ERBB4: variants seen among roughly 807,000 people sequenced by gnomAD.
The protein encoded by ERBB4 is erb-b2 receptor tyrosine kinase 4.
In ERBB4, 42 loss-of-function variants were observed where a neutral mutation model predicts 158.0. The ratio of observed to expected loss-of-function variants is 0.27; its 90% CI spans 0.21 to 0.34. The LOEUF (loss-of-function observed/expected upper bound fraction) is 0.34. Among genes scored for constraint, ERBB4 ranks in the 10% least tolerant of loss-of-function variants. The pLI is 1.00. For missense variants in ERBB4, 1,333 were observed against 1,624.1 expected, an observed-to-expected ratio of 0.82 and a Z score of 3.08; for synonymous variants, 583 against 558.7, an observed-to-expected ratio of 1.04 and a Z score of -0.61.
chr2:212,500,210 G>T (rs1156862495), intron 1 of ERBB4, among the ~76,000 whole-genome samples: 2 of 152,022 alleles, frequency 1.3e-5, no homozygotes, highest in Non-Finnish European at 2.9e-5. Flanking sequence ...TTATTCACAT[G>T]GCCTTTCTGT....
intron 25 of ERBB4, among the ~76,000 whole-genome samples, chr2:211,413,517 T>C (rs2063314816): frequency 2.0e-5 from 3 of 152,170 alleles, no homozygotes; most frequent in Middle Eastern, 3.4e-3. Context: ...ATCCTGAGAC[T>C]ACAATCATTT....
At chr2:211,654,960 C>T (rs536733963) in intron 16 of ERBB4, among the ~76,000 whole-genome samples, 2 of 152,108 alleles carry the variant, frequency 1.3e-5, no homozygotes, top group East Asian at 1.9e-4. Flanking sequence ...TCCTGGAAAC[C>T]GAAGCAGGCA....
At chr2:212,175,286 T>A (rs1407114592) in intron 1 of ERBB4, among the ~76,000 whole-genome samples, 2 of 152,050 alleles carry the variant, frequency 1.3e-5, no homozygotes, top group Non-Finnish European at 2.9e-5. Context: ...TTCTTTTAAT[T>A]CAGACAATAG....
intron 3 of ERBB4, among the ~76,000 whole-genome samples, chr2:211,935,465 C>T (rs2080295272): frequency 6.6e-6 from 1 of 152,158 alleles, no homozygotes; most frequent in African/African-American, 2.4e-5. Flanking sequence ...CACTCTTTCT[C>T]TCTTGCGGGA....
chr2:211,791,693 T>C (rs2076282716), intron 3 of ERBB4, among the ~76,000 whole-genome samples: 1 of 151,850 alleles, frequency 6.6e-6, no homozygotes, highest in African/African-American at 2.4e-5. Context: ...CACAAATATT[T>C]CTGGCAAGTT....
chr2:211,589,712 T>C (rs1261548636), intron 19 of ERBB4, among the ~76,000 whole-genome samples: 1 of 152,202 alleles, frequency 6.6e-6, no homozygotes, highest in African/African-American at 2.4e-5. Flanking sequence ...GAAAAATCTA[T>C]TTAGAAGTAT....
intron 3 of ERBB4, among the ~76,000 whole-genome samples, chr2:211,867,725 G>A (rs1005315125): frequency 6.6e-6 from 1 of 152,042 alleles, no homozygotes; most frequent in Non-Finnish European, 1.5e-5. Context: ...TCCATGCCTG[G>A]CTTTGAGTAT....
intron 4 of ERBB4, among the ~76,000 whole-genome samples, chr2:211,754,875 T>A (rs1185046113): frequency 6.7e-6 from 1 of 149,918 alleles, no homozygotes; most frequent in African/African-American, 2.5e-5. Flanking sequence ...AATTTTTGTG[T>A]TTTTTAGTAG....
intron 1 of ERBB4, among the ~76,000 whole-genome samples, chr2:212,425,692 T>C (rs2091898377): frequency 6.6e-6 from 1 of 151,982 alleles, no homozygotes; most frequent in African/African-American, 2.4e-5. Context: ...CTTCCCTTCT[T>C]GGTTACACTG....
intron 3 of ERBB4, among the ~76,000 whole-genome samples, chr2:211,844,129 T>C (rs1027961338): frequency 7.8e-5 from 6 of 77,394 alleles, no homozygotes; most frequent in African/African-American, 2.5e-4. Context: ...GTGTGAGAAA[T>C]GAAAACACTA....
intron 2 of ERBB4, among the ~76,000 whole-genome samples, chr2:212,057,244 T>C (rs1167282174): frequency 3.3e-5 from 5 of 152,284 alleles, no homozygotes; most frequent in Middle Eastern, 3.4e-3. Flanking sequence ...TCTAAATATA[T>C]ATGCACCCAA....
chr2:212,190,299 G>T (rs1439375141), intron 1 of ERBB4, among the ~76,000 whole-genome samples: 1 of 152,184 alleles, frequency 6.6e-6, no homozygotes, highest in East Asian at 1.9e-4. Flanking sequence ...CACTTTGGGA[G>T]GCCAAGGCGG....
intron 1 of ERBB4, among the ~76,000 whole-genome samples, chr2:212,376,965 T>C (rs2090343708): frequency 6.6e-6 from 1 of 151,950 alleles, no homozygotes; most frequent in South Asian, 2.1e-4. Context: ...TTCATCTGTC[T>C]GTACCTAACT....
intron 2 of ERBB4, among the ~76,000 whole-genome samples, chr2:212,006,816 C>T (rs1295975715): frequency 6.6e-6 from 1 of 151,934 alleles, no homozygotes; most frequent in Non-Finnish European, 1.5e-5. Flanking sequence ...AAAAAGAATT[C>T]CATTGTCAAT....
At chr2:211,529,746 T>G (rs917399126) in intron 20 of ERBB4, among the ~76,000 whole-genome samples, 1 of 152,010 alleles carries the variant, frequency 6.6e-6, no homozygotes, top group African/African-American at 2.4e-5. Flanking sequence ...AGGACCAAAA[T>G]TATATAATCA....
chr2:212,273,999 T>C (rs778971053), intron 1 of ERBB4, among the ~76,000 whole-genome samples: 2 of 151,870 alleles, frequency 1.3e-5, no homozygotes. Context: ...GGAAGCCTTA[T>C]TAATAACATC....
intron 3 of ERBB4, among the ~76,000 whole-genome samples, chr2:211,941,547 G>A (rs2080497268): frequency 6.6e-6 from 1 of 151,936 alleles, no homozygotes; most frequent in African/African-American, 2.4e-5. Context: ...GAAGGGCTGG[G>A]GCAACAGGTG....
At chr2:211,916,631 C>T (rs2079699604) in intron 3 of ERBB4, among the ~76,000 whole-genome samples, 1 of 152,010 alleles carries the variant, frequency 6.6e-6, no homozygotes, top group Non-Finnish European at 1.5e-5. Context: ...CATCCAACAA[C>T]ATGGTTAAAA....
At chr2:211,451,900 A>T (rs2064254840) in intron 20 of ERBB4, among the ~76,000 whole-genome samples, 1 of 152,198 alleles carries the variant, frequency 6.6e-6, no homozygotes, top group South Asian at 2.1e-4. Context: ...AGGTACTCGA[A>T]AGTATTAGAT....
Sources: gnomAD v4.1 joint callset for allele counts (sites outside exome capture counted in the v4.1 genomes callset) on GRCh38, gnomAD v4.1.1 for gene constraint, MANE v1.5 for transcripts, NCBI Gene and HGNC (gene_info 2026-07-23, HGNC 2026-07-21) for gene names.